The following SOD2 variants were observed in gnomAD, a reference collection of about 807,000 sequenced individuals.
SOD2 encodes superoxide dismutase 2.
In SOD2, 11 loss-of-function variants were observed where a neutral mutation model predicts 27.0. The ratio of observed to expected loss-of-function variants is 0.41; its 90% CI spans 0.26 to 0.67. The LOEUF (loss-of-function observed/expected upper bound fraction) is 0.67, where lower values mean the gene tolerates loss of function less well. Ranked by LOEUF, SOD2 falls within the 30% of genes least tolerant of loss-of-function variation. The probability of loss-of-function intolerance (pLI) is 0.34; values close to 1 mark genes in which losing one functional copy is unlikely to be tolerated. For missense variants in SOD2, 250 were observed against 274.5 expected (o/e 0.91, Z 0.63); for synonymous variants, 105 against 103.0 (o/e 1.02, Z -0.12).
At chr6:159,744,187 T>G (rs970511511) in intron 1 of SOD2, among the ~76,000 whole-genome samples, 11 of 152,222 alleles carry the variant, frequency 7.2e-5, no homozygotes, top group Non-Finnish European at 5.9e-5. Context: ...TGTATAGAAC[T>G]GTTTTTCCTA....
intron 1 of SOD2, chr6:159,745,018 C>A (rs1410213637): frequency 6.6e-6 from 1 of 152,168 alleles, no homozygotes; most frequent in Non-Finnish European, 1.5e-5. Context: ...ACATTTTGTC[C>A]TTTTGTTTCT....
intron 3 of SOD2, among the ~76,000 whole-genome samples, chr6:159,686,189 TA>T (rs1780178237): frequency 6.6e-6 from 1 of 152,202 alleles, no homozygotes; most frequent in African/African-American, 2.4e-5. Context: ...TCTACGGGTT[TA>T]AAAGTAATCA....
chr6:159,755,237 C>T, intron 1 of SOD2: 1 of 1,614,200 alleles, frequency 6.2e-7, no homozygotes, highest in Non-Finnish European at 8.5e-7. Context: ...CTGCAGTCGT[C>T]TGACAAACGG....
intron 1 of SOD2, among the ~76,000 whole-genome samples, chr6:159,759,210 G>A (rs886443144): frequency 8.4e-6 from 1 of 119,716 alleles, no homozygotes; most frequent in Non-Finnish European, 1.7e-5. Flanking sequence ...ACAGGCATGT[G>A]GCACCACGCC....
At chr6:159,744,721 A>AC (rs200737470) in intron 1 of SOD2, among the ~76,000 whole-genome samples, 25 of 150,930 alleles carry the variant, frequency 1.7e-4, no homozygotes, top group South Asian at 4.2e-4. Flanking sequence ...TTTCCCACTA[A>AC]CCCCCCCGCC....
chr6:159,729,585 G>A (rs1328645162), upstream of SOD2, among the ~76,000 whole-genome samples: 2 of 150,926 alleles, frequency 1.3e-5, no homozygotes, highest in African/African-American at 2.5e-5. Flanking sequence ...AAAATCTATA[G>A]CATTTTTATT....
At chr6:159,713,888 T>C (rs1777876923) in intron 1 of SOD2, 2 of 981,854 alleles carry the variant, frequency 2.0e-6, no homozygotes, top group Non-Finnish European at 3.2e-6. Flanking sequence ...ATTTTGTATT[T>C]TGCAATCAGA....
intron 1 of SOD2, among the ~76,000 whole-genome samples, chr6:159,700,505 T>A (rs2114806648): frequency 6.6e-6 from 1 of 151,930 alleles, no homozygotes; most frequent in Non-Finnish European, 1.5e-5. Flanking sequence ...ATACAAAAAA[T>A]TAGCTGGGTG....
At chr6:159,737,569 T>C (rs921280066) in intron 1 of SOD2, among the ~76,000 whole-genome samples, 1 of 152,090 alleles carries the variant, frequency 6.6e-6, no homozygotes, top group Non-Finnish European at 1.5e-5. Flanking sequence ...TCTTGGCTCA[T>C]TGTGGCCTCA....
chr6:159,739,068 A>G (rs772205248), intron 1 of SOD2: 1 of 1,589,558 alleles, frequency 6.3e-7, no homozygotes, highest in African/African-American at 1.3e-5. Flanking sequence ...CTGTTCAAAA[A>G]CAAAGTCTTT....
chr6:159,762,043 C>G (rs1162694923), exon 1 of SOD2: 3 of 1,607,276 alleles, frequency 1.9e-6, no homozygotes, highest in East Asian at 2.2e-5. Flanking sequence ...GGAGCTTTGC[C>G]TAGCTTGCAG....
intron 2 of SOD2, chr6:159,688,498 T>C (rs1253186625): frequency 5.0e-6 from 2 of 402,784 alleles, no homozygotes; most frequent in East Asian, 4.5e-5. Context: ...ATCTCTTAGA[T>C]AGAAGAGATT....
rs1479397881 is a variant in SOD2, at chr6:159,681,252, C to T, written c.*1241G>A. On this transcript the variant is annotated 3_prime_UTR_variant, in exon 5 of 5. Coordinates refer to ENST00000538183, the MANE Select transcript of SOD2 (RefSeq NM_000636.4). ...CGAAAACTCCAGGCACCCAGCTCGC[C>T]CCGAGAAGGAAACCAGCAAGCTGAT... The T allele has an allele frequency of 2.0e-5, 3 of 151,838 alleles. No homozygotes were observed. The highest frequency in any genetic ancestry group is 2.9e-5 in the Non-Finnish European group (2 of 67,960). 9.4% of individuals were successfully genotyped at this position (151,838 alleles called of 1,614,324 possible). A position where few individuals can be genotyped will look rare whatever the true frequency, so the allele number is the denominator to read the frequency against.
intron 1 of SOD2, among the ~76,000 whole-genome samples, chr6:159,743,493 T>C (rs992897020): frequency 3.9e-5 from 6 of 152,258 alleles, no homozygotes; most frequent in Admixed American, 3.9e-4. Context: ...ATGACACCAT[T>C]GTCTCCTAAA....
intron 1 of SOD2, among the ~76,000 whole-genome samples, chr6:159,703,057 G>A (rs1777555971): frequency 6.6e-6 from 1 of 152,116 alleles, no homozygotes; most frequent in South Asian, 2.1e-4. Flanking sequence ...GCTCACGCCT[G>A]TAATCCCAGC....
chr6:159,747,486 T>C (rs569742927), upstream of SOD2, among the ~76,000 whole-genome samples: 2 of 152,210 alleles, frequency 1.3e-5, no homozygotes, highest in Admixed American at 6.5e-5. Context: ...GGGAAAAATA[T>C]GAATTATACT....
At chr6:159,755,772 T>G in intron 1 of SOD2, 1 of 986,374 alleles carries the variant, frequency 1.0e-6, no homozygotes, top group Non-Finnish European at 1.3e-6. Context: ...TTTCTTTTTT[T>G]TTTTTTTTTT....
At chr6:159,706,446 A>G (rs943376609) in intron 1 of SOD2, among the ~76,000 whole-genome samples, 1 of 152,224 alleles carries the variant, frequency 6.6e-6, no homozygotes, top group African/African-American at 2.4e-5. Flanking sequence ...GTGGAATACA[A>G]AAAAAGGCAG....
rs1778025853 is a variant in SOD2 at position 159,720,915 on chromosome 6, GGCGCGA to G, written c.-116+6208_-116+6213del. Among the ~76,000 whole-genome samples the G allele has an allele frequency of 9.3e-5, 11 of 118,152 alleles. 1 individual carries two copies. In the South Asian group the frequency reaches 3.3e-3, roughly 35 times the overall value. The allele number at this position is 118,152 out of a possible 152,430, so 77.5% of individuals were successfully genotyped here. On this transcript the variant is annotated intron_variant, in intron 1 of 2. Transcript: ENST00000401980. The stretch of plus-strand genomic sequence containing the variant: ...TGTGTCGCCCAGGCTGTAGTGCAAT[GGCGCGA>G]TCTCGGCTCAGTGCAACCTCTGCTC...
Sources: gnomAD v4.1 joint callset for allele counts (sites outside exome capture counted in the v4.1 genomes callset) on GRCh38, gnomAD v4.1.1 for gene constraint, MANE v1.5 for transcripts, NCBI Gene and HGNC (gene_info 2026-07-23, HGNC 2026-07-21) for gene names.